RORA: variants seen among roughly 807,000 people sequenced by gnomAD.
RORA encodes RAR related orphan receptor A.
In RORA, 7 loss-of-function variants were observed where a neutral mutation model predicts 69.5. The ratio of observed to expected loss-of-function variants is 0.10; its 90% CI spans 0.06 to 0.19. RORA has a LOEUF of 0.19. Ranked by LOEUF, RORA falls within the 10% of genes least tolerant of loss-of-function variation. The pLI, the probability that RORA is intolerant of heterozygous loss-of-function variation, is 1.00. For missense variants in RORA, 457 were observed against 663.0 expected (o/e 0.69, Z 3.41); for synonymous variants, 261 against 240.8 (o/e 1.08, Z -0.78).
At chr15:61,178,034 G>T (rs1467664397) in intron 1 of RORA, among the ~76,000 whole-genome samples, 4 of 151,540 alleles carry the variant, frequency 2.6e-5, no homozygotes, top group Non-Finnish European at 5.9e-5. Context: ...AAGAAATGAG[G>T]AAGGGAGGCA....
At chr15:60,982,671 G>C (rs1356232365) in intron 1 of RORA, among the ~76,000 whole-genome samples, 1 of 152,140 alleles carries the variant, frequency 6.6e-6, no homozygotes, top group Non-Finnish European at 1.5e-5. Flanking sequence ...TGCTGAGCTG[G>C]GGATTGGAGT....
At chr15:60,930,108 AT>A (rs1892333910) in intron 1 of RORA, among the ~76,000 whole-genome samples, 1 of 152,120 alleles carries the variant, frequency 6.6e-6, no homozygotes, top group South Asian at 2.1e-4. Flanking sequence ...ATAGTATTTA[AT>A]TTTAATTTAT....
intron 1 of RORA, among the ~76,000 whole-genome samples, chr15:60,904,708 C>T (rs1439560290): frequency 2.6e-5 from 4 of 152,162 alleles, no homozygotes; most frequent in Non-Finnish European, 4.4e-5. Flanking sequence ...TCAAACTACC[C>T]ATCTAAATGA....
intron 1 of RORA, among the ~76,000 whole-genome samples, chr15:60,797,072 T>A (rs2072509598): frequency 6.8e-6 from 1 of 147,776 alleles, no homozygotes; most frequent in Admixed American, 6.8e-5. Flanking sequence ...TAATTATATT[T>A]ATTATTATTA....
chr15:61,080,265 C>A (rs747603782), intron 1 of RORA, among the ~76,000 whole-genome samples: 1 of 152,134 alleles, frequency 6.6e-6, no homozygotes, highest in African/African-American at 2.4e-5. Context: ...ACCTCCATTC[C>A]CTTTTCGTCC....
intron 1 of RORA, among the ~76,000 whole-genome samples, chr15:60,846,205 C>T (rs533932679): frequency 2.6e-5 from 4 of 152,314 alleles, no homozygotes; most frequent in African/African-American, 4.8e-5. Flanking sequence ...TAGCAGCAAT[C>T]GTAAGTGGCT....
intron 1 of RORA, among the ~76,000 whole-genome samples, chr15:60,733,501 T>C (rs955260042): frequency 7.2e-5 from 11 of 152,228 alleles, no homozygotes; most frequent in Non-Finnish European, 1.6e-4. Flanking sequence ...GTGAGATCTT[T>C]AGATTTTAAT....
At chr15:61,042,275 C>T (rs183350906) in intron 1 of RORA, among the ~76,000 whole-genome samples, 3 of 152,236 alleles carry the variant, frequency 2.0e-5, no homozygotes, top group Admixed American at 1.3e-4. Context: ...ATTGTCCAAA[C>T]CATGAAAGAA....
At chr15:61,087,327 AAATT>A (rs2078640042) in intron 1 of RORA, among the ~76,000 whole-genome samples, 1 of 152,248 alleles carries the variant, frequency 6.6e-6, no homozygotes, top group African/African-American at 2.4e-5. Context: ...ATTACCAGAT[AAATT>A]AATTACAAAC....
At chr15:61,051,730 C>A (rs2078017331) in intron 1 of RORA, among the ~76,000 whole-genome samples, 1 of 152,176 alleles carries the variant, frequency 6.6e-6, no homozygotes, top group Non-Finnish European at 1.5e-5. Context: ...TTTTGGCCAA[C>A]ACTTCTACAT....
chr15:60,987,309 A>G (rs1415847793), intron 1 of RORA, among the ~76,000 whole-genome samples: 1 of 152,122 alleles, frequency 6.6e-6, no homozygotes, highest in Non-Finnish European at 1.5e-5. Context: ...TCTAATCATA[A>G]TTATCCAAGA....
At chr15:60,540,013 A>G (rs1337659759) in intron 2 of RORA, among the ~76,000 whole-genome samples, 3 of 152,196 alleles carry the variant, frequency 2.0e-5, no homozygotes, top group Admixed American at 6.5e-5. Flanking sequence ...TCATATCAGC[A>G]GGAAAGAGAA....
At chr15:61,228,322 A>G (rs1567046088) in intron 1 of RORA, among the ~76,000 whole-genome samples, 1 of 151,826 alleles carries the variant, frequency 6.6e-6, no homozygotes, top group Non-Finnish European at 1.5e-5. Flanking sequence ...CGGGCTCCGA[A>G]CCCCCGGTCT....
chr15:60,561,506 A>G (rs1416946407), intron 2 of RORA, among the ~76,000 whole-genome samples: 1 of 152,166 alleles, frequency 6.6e-6, no homozygotes, highest in Non-Finnish European at 1.5e-5. Flanking sequence ...TAACATTAAG[A>G]ATTTTATCCC....
At chr15:60,591,827 C>T (rs1400560704) in intron 2 of RORA, among the ~76,000 whole-genome samples, 2 of 151,946 alleles carry the variant, frequency 1.3e-5, no homozygotes, top group South Asian at 2.1e-4. Flanking sequence ...CGCGGACCTG[C>T]GGCACTTGCC....
At chr15:60,963,613 C>T (rs898197410) in intron 1 of RORA, among the ~76,000 whole-genome samples, 1 of 152,216 alleles carries the variant, frequency 6.6e-6, no homozygotes, top group Non-Finnish European at 1.5e-5. Flanking sequence ...CATTCCTCTG[C>T]TCCTGTGCAC....
chr15:60,531,098 G>A lies in RORA; in HGVS notation c.282+668C>T, dbSNP rs1281531850. The stretch of plus-strand genomic sequence containing the variant: ...GGTCAGAAATAATAAAATAGTCATA[G>A]CAGAAATAATACTGATAATATTTAG... On this transcript the variant is annotated intron_variant, in intron 3 of 10. Transcript: ENST00000335670. This position sits in a 1 kb window ranked among gnomAD's most constrained non-coding sequence, Gnocchi z 4.8. The A allele has an allele frequency of 6.6e-6, 1 of 152,268 alleles. No individual in the cohort carries two copies. Among genetic ancestry groups the A allele is most frequent in the Non-Finnish European group, 1.5e-5 (1 of 68,106 alleles). The allele number at this position is 152,268 out of a possible 1,614,324, so 9.4% of individuals were successfully genotyped here.
intron 1 of RORA, among the ~76,000 whole-genome samples, chr15:60,966,228 T>C (rs1893551302): frequency 6.6e-6 from 1 of 152,220 alleles, no homozygotes; most frequent in Middle Eastern, 3.2e-3. Context: ...CCTAGTCACT[T>C]CTTTTCACTT....
chr15:60,502,851 C>A lies in RORA; in HGVS notation c.1092G>T (p.Val364=). Residue 364 remains valine (V), a synonymous_variant, in exon 8 of 11, where the codon GTG becomes GTT. Coordinates refer to ENST00000335670, the MANE Select transcript of RORA (RefSeq NM_134261.3). ...CAAAGGCACGGCACATTCTGATAAA[C>A]ACCACCTCTAGAGAACCTAAGCAGA... ...VLLKAGSLEV[V]FIRMCRAFDS... The A allele has an allele frequency of 6.2e-7, 1 of 1,613,100 alleles. No individual in the cohort carries two copies. Among genetic ancestry groups the A allele is most frequent in the African/African-American group, 1.3e-5 (1 of 75,006 alleles).
Sources: allele counts gnomAD v4.1 joint callset (sites outside exome capture counted in the v4.1 genomes callset), GRCh38; gene constraint gnomAD v4.1.1; non-coding constraint Gnocchi (gnomAD v3.1); transcripts MANE v1.5; gene names NCBI Gene and HGNC (gene_info 2026-07-23, HGNC 2026-07-21).